Variants in OTOF observed in about 807,000 individuals in gnomAD.
The protein encoded by OTOF is fer-1-like family member 2.
In OTOF, 218 loss-of-function variants were observed where a neutral mutation model predicts 236.8. The observed-to-expected ratio is 0.92, with a 90% CI of 0.82 to 1.03. OTOF has a LOEUF of 1.03. OTOF is among the 50% of genes least tolerant of loss of function. The probability of loss-of-function intolerance (pLI) is 0.00; values close to 1 mark genes in which losing one functional copy is unlikely to be tolerated. For synonymous variants in OTOF, 1,041 were observed against 1,072.5 expected (o/e 0.97, Z 0.57); for missense variants, 2,590 against 2,694.4 (o/e 0.96, Z 0.86).
chr2:26,467,780 G>A (rs1018630284), intron 33 of OTOF, among the ~76,000 whole-genome samples: 2 of 152,128 alleles, frequency 1.3e-5, no homozygotes, highest in East Asian at 1.9e-4. Context: ...CTGTTGCTGC[G>A]CAGTTCCTTG....
chr2:26,486,145 G>C (rs1339961997), intron 11 of OTOF, among the ~76,000 whole-genome samples: 1 of 147,334 alleles, frequency 6.8e-6, no homozygotes, highest in East Asian at 2.1e-4. Flanking sequence ...TGGGTGGGTA[G>C]ATATATGGAT....
intron 8 of OTOF, 52 bp from the exon 9 acceptor site, chr2:26,495,125 C>G (rs1338910989): frequency 6.2e-7 from 1 of 1,609,810 alleles, no homozygotes; most frequent in African/African-American, 1.3e-5. Context: ...AGCCTAGGAG[C>G]CTGGTCCCGC....
Position 26,460,883 on chromosome 2 carries a change from G to A in OTOF, c.5681C>T (p.Ala1894Val). The change falls in exon 44 of 47, where the codon GCC becomes GTC. Residue 1894 changes from alanine (A) to valine (V), a missense_variant. Coordinates refer to ENST00000272371, the MANE Select transcript of OTOF (RefSeq NM_194248.3). This position sits in a 1 kb window ranked among gnomAD's most constrained non-coding sequence, Gnocchi z 5.3. ...KRVKGWWPLLARNENDEFELT... is the reference protein window; with the variant it reads ...KRVKGWWPLLVRNENDEFELT... ...CTCAAACTCATCGTTCTCATTGCGG[G>A]CCAGGAGGGGCCACCAGCCTTTGAC... The A allele has an allele frequency of 6.2e-7, 1 of 1,614,188 alleles. No individual in the cohort carries two copies. Among genetic ancestry groups the A allele is most frequent in the South Asian group, 1.1e-5 (1 of 91,088 alleles).
chr2:26,493,360 C>T (rs1236358779), intron 9 of OTOF, among the ~76,000 whole-genome samples: 1 of 152,164 alleles, frequency 6.6e-6, no homozygotes, highest in Admixed American at 6.5e-5. Context: ...GGCACCTCAG[C>T]CCTCACCCAC....
In OTOF at chr2:26,477,654, G is replaced by C; in HGVS notation, c.2310C>G (p.Gly770=). The change falls in exon 19 of 47, where the codon GGC becomes GGG. Residue 770 remains glycine (G), a synonymous_variant. Transcript: ENST00000272371. This position sits in a 1 kb window ranked among gnomAD's most constrained non-coding sequence, Gnocchi z 4.7. ...TGCCGCCCCTCCCTTCTCACCAGCA[G>C]CCACAGCTCAGCTCCTCCAGGACGC... The part of the protein sequence containing the change: ...LRGVLEELSC[G]CCRFLSLADK... 1 of 1,612,366 alleles carries C rather than the reference G, an allele frequency of 6.2e-7. No individual in the cohort carries two copies. Among genetic ancestry groups the C allele is most frequent in the Non-Finnish European group, 8.5e-7 (1 of 1,179,934 alleles).
Position 26,516,526 on chromosome 2 carries a change from A to G in OTOF, c.401T>C (p.Leu134Pro), listed in dbSNP as rs1049827432. 2 of 1,613,244 alleles carry G rather than the reference A, an allele frequency of 1.2e-6. No individual in the cohort carries two copies. Among genetic ancestry groups the G allele is most frequent in the African/African-American group, 2.7e-5 (2 of 74,926 alleles). Residue 134 changes from leucine (L) to proline (P), a missense_variant, in exon 5 of 47, where the codon CTG (leucine) becomes CCG (proline). Coordinates refer to ENST00000272371, the MANE Select transcript of OTOF (RefSeq NM_194248.3). ...TTCCTCTTGAAGAGACTCATCTCCC[A>G]GGAAGTCCCCATCGTCCCAGGAGCC... ...TVGSWDDGDF[L>P]GDESLQEEEK...
chr2:26,467,579 C>A lies in OTOF; in HGVS notation c.4091-78G>T, dbSNP rs1664793311. The A allele has an allele frequency of 6.6e-6, 10 of 1,509,120 alleles. No individual in the cohort carries two copies. In the South Asian group the frequency reaches 1.1e-4, roughly 16 times the overall value. 93.5% of individuals were successfully genotyped at this position (1,509,120 alleles called of 1,614,324 possible). A position where few individuals can be genotyped will look rare whatever the true frequency, so the allele number is the denominator to read the frequency against. ...CTGGATTCGAGACCCAGCTCTGTCG[C>A]TAATTTGCTTTACTAACTTAACTCT... On this transcript the variant is annotated intron_variant, in intron 33 of 46. Transcript: ENST00000272371.
At position 26,509,570 on chromosome 2, in the gene OTOF, G is replaced by A. The variant is rs868766336; in HGVS notation, c.510-5725C>T. 2.8e-4 allele frequency among the ~76,000 whole-genome samples: 43 copies of A among 152,270 alleles called. 1 individual carries two copies. The highest frequency in any genetic ancestry group is 1.0e-3 in the South Asian group (5 of 4,824). On this transcript the variant is annotated intron_variant, in intron 5 of 46. Transcript: ENST00000272371. ...TGAGTTCCCCAGGATCTTAATGCCAGTGGATATCCCAAGCCCACACCAGTG... is the reference window on the plus strand; with the variant it reads ...TGAGTTCCCCAGGATCTTAATGCCAATGGATATCCCAAGCCCACACCAGTG...
At chr2:26,500,807 G>A (rs746400108) in intron 8 of OTOF, among the ~76,000 whole-genome samples, 3 of 152,140 alleles carry the variant, frequency 2.0e-5, no homozygotes, top group Non-Finnish European at 4.4e-5. Flanking sequence ...AGGGGAGGTG[G>A]GGTTGTCCGT....
At chr2:26,480,454 C>A in intron 15 of OTOF, 143 bp from the exon 16 acceptor site, 4 of 703,150 alleles carry the variant, frequency 5.7e-6, no homozygotes, top group Non-Finnish European at 1.0e-5. Context: ...CAGCCCACAC[C>A]CCAACGGCCC....
intron 5 of OTOF, chr2:26,510,648 G>T (rs1666362072): frequency 2.6e-6 from 3 of 1,149,680 alleles, no homozygotes; most frequent in Middle Eastern, 4.5e-4. Context: ...CCTGTGGGGA[G>T]GAGGCCTCTG....
At chr2:26,501,365 AAAC>A (rs1192289868) in intron 8 of OTOF, among the ~76,000 whole-genome samples, 1 of 152,242 alleles carries the variant, frequency 6.6e-6, no homozygotes, top group East Asian at 1.9e-4. Context: ...AAATAATACA[AAAC>A]AACAATTTAA....
At chr2:26,485,704 G>A (rs559826613) in intron 11 of OTOF, among the ~76,000 whole-genome samples, 5 of 152,286 alleles carry the variant, frequency 3.3e-5, no homozygotes, top group East Asian at 1.9e-4. Flanking sequence ...ACCTTCTACC[G>A]TAGCCCAGGC....
Position 26,527,890 on chromosome 2 carries a change from CGAT to C in OTOF, c.166_168del (p.Ile56del). The stretch of plus-strand genomic sequence containing the variant: ...TGAATCTCCAGCATCTCATTTCTGT[CGAT>C]GCTGCTGGCCACCGGCCACCGAAAT... On this transcript the variant is annotated inframe_deletion, in exon 3 of 47. Coordinates refer to ENST00000272371, the MANE Select transcript of OTOF (RefSeq NM_194248.3). 1 of 1,614,074 alleles carries C rather than the reference CGAT, an allele frequency of 6.2e-7. No homozygotes were observed. Among genetic ancestry groups the C allele is most frequent in the Non-Finnish European group, 8.5e-7 (1 of 1,179,952 alleles).
Position 26,482,915 on chromosome 2 carries a change from G to C in OTOF, c.1393-323C>G, listed in dbSNP as rs1340135347. Among the ~76,000 whole-genome samples, 19 of 151,246 alleles carry C rather than the reference G, an allele frequency of 1.3e-4. No individual in the cohort carries two copies. In the South Asian group the frequency reaches 3.6e-3, roughly 28 times the overall value. ...TGCGTGTGTTAATGGGTGCATGTGT[G>C]CGTGTGAGTGGGTGCATGTATGTAT... is the stretch of plus-strand genomic sequence containing the variant. On this transcript the variant is annotated intron_variant, in intron 13 of 46. Coordinates refer to ENST00000272371, the MANE Select transcript of OTOF (RefSeq NM_194248.3).
At chr2:26,496,659 C>G (rs2148073765) in intron 8 of OTOF, among the ~76,000 whole-genome samples, 1 of 152,118 alleles carries the variant, frequency 6.6e-6, no homozygotes, top group Admixed American at 6.6e-5. Flanking sequence ...TCATTTTAAG[C>G]CATCAGGTCT....
rs762481094 is a variant in OTOF at position 26,527,930 on chromosome 2, G to C, written c.139-10C>G. On this transcript the variant is annotated splice_polypyrimidine_tract_variant and intron_variant, in intron 2 of 46. Coordinates refer to ENST00000272371, the MANE Select transcript of OTOF (RefSeq NM_194248.3). ...CCGGCCACCGAAATGTCTGGGGAGA[G>C]AGGGACAACTGCGGCTTCGGTGGCA... 6.2e-7 allele frequency: 1 copy of C among 1,609,048 alleles called. No homozygotes were observed. The highest frequency in any genetic ancestry group is 8.5e-7 in the Non-Finnish European group (1 of 1,175,418).
At chr2:26,540,069 G>A (rs1370947891) in intron 1 of OTOF, among the ~76,000 whole-genome samples, 1 of 152,144 alleles carries the variant, frequency 6.6e-6, no homozygotes, top group Non-Finnish European at 1.5e-5. Context: ...AAGTAGTTGG[G>A]ATTACAGGCA....
At chr2:26,483,133 G>A (rs1263110605) in intron 13 of OTOF, among the ~76,000 whole-genome samples, 1 of 151,776 alleles carries the variant, frequency 6.6e-6, no homozygotes, top group Admixed American at 6.6e-5. Context: ...GGGTGAGTGG[G>A]TGCGTGTCTG....
Sources: allele counts gnomAD v4.1 joint callset (sites outside exome capture counted in the v4.1 genomes callset), GRCh38; gene constraint gnomAD v4.1.1; non-coding constraint Gnocchi (gnomAD v3.1); transcripts MANE v1.5; gene names NCBI Gene and HGNC (gene_info 2026-07-23, HGNC 2026-07-21).